The following B3GLCT variants were observed in gnomAD, a reference collection of about 807,000 sequenced individuals.
B3GLCT encodes beta-1,3-glucosyltransferase.
Under a neutral mutation model 63.4 loss-of-function variants are expected in B3GLCT, and 65 were observed. The ratio of observed to expected loss-of-function variants is 1.03; its 90% CI spans 0.84 to 1.26. The LOEUF (loss-of-function observed/expected upper bound fraction) is 1.26, where lower values mean the gene tolerates loss of function less well. Among genes scored for constraint, B3GLCT ranks in the 50% most tolerant of loss-of-function variants. The pLI is 0.00. For missense variants in B3GLCT, 577 were observed against 604.8 expected (o/e 0.95, Z 0.48); for synonymous variants, 233 against 219.2 (o/e 1.06, Z -0.55).
intron 4 of B3GLCT, among the ~76,000 whole-genome samples, chr13:31,237,324 G>T (rs1025084669): frequency 5.3e-5 from 8 of 150,324 alleles, no homozygotes; most frequent in African/African-American, 2.0e-4. Context: ...AGGCAGGAGG[G>T]CTCCTTAGTT....
intron 6 of B3GLCT, among the ~76,000 whole-genome samples, chr13:31,249,880 C>G (rs1871350912): frequency 6.6e-6 from 1 of 152,148 alleles, no homozygotes; most frequent in African/African-American, 2.4e-5. Flanking sequence ...TTGATATTTA[C>G]ACAAATAAAC....
intron 1 of B3GLCT, among the ~76,000 whole-genome samples, chr13:31,209,107 C>T (rs918392828): frequency 2.0e-5 from 3 of 152,200 alleles, no homozygotes; most frequent in Admixed American, 6.5e-5. Context: ...CCTTAAAAAA[C>T]GTACGGAGTG....
chr13:31,215,225 G>A, intron 2 of B3GLCT, 125 bp downstream of exon 2: 2 of 1,023,316 alleles, frequency 2.0e-6, no homozygotes, highest in South Asian at 1.4e-5. Context: ...CATATAATGT[G>A]GTCAACATGG....
intron 12 of B3GLCT, among the ~76,000 whole-genome samples, chr13:31,295,336 C>T (rs759101351): frequency 1.6e-4 from 25 of 152,180 alleles, no homozygotes; most frequent in Non-Finnish European, 3.4e-4. Flanking sequence ...AGCAGAGCTC[C>T]AGTGCTGTGC....
intron 14 of B3GLCT, among the ~76,000 whole-genome samples, chr13:31,325,231 CAGTT>C (rs1274487513): frequency 6.6e-6 from 1 of 152,144 alleles, no homozygotes; most frequent in Admixed American, 6.5e-5. Flanking sequence ...TTCCTGGTGT[CAGTT>C]AGAAGATACT....
intron 6 of B3GLCT, among the ~76,000 whole-genome samples, chr13:31,254,208 G>A (rs1871597653): frequency 6.6e-6 from 1 of 152,096 alleles, no homozygotes; most frequent in Non-Finnish European, 1.5e-5. Flanking sequence ...ACCAAAACCT[G>A]GCAGAGACAC....
intron 1 of B3GLCT, among the ~76,000 whole-genome samples, chr13:31,213,251 T>C (rs906276266): frequency 7.9e-5 from 12 of 152,204 alleles, no homozygotes; most frequent in African/African-American, 2.9e-4. Flanking sequence ...ATTGAGTTTC[T>C]TCTATGTGCT....
chr13:31,314,795 G>T (rs1444540455), intron 12 of B3GLCT, among the ~76,000 whole-genome samples: 2 of 152,166 alleles, frequency 1.3e-5, no homozygotes, highest in African/African-American at 4.8e-5. Context: ...ATATGGTTTG[G>T]CTGTGTCCGC....
intron 13 of B3GLCT, among the ~76,000 whole-genome samples, chr13:31,323,532 C>T (rs573975460): frequency 2.0e-5 from 3 of 152,126 alleles, no homozygotes; most frequent in East Asian, 3.9e-4. Context: ...TATTTTAAAA[C>T]GAAGAGAAAT....
At chr13:31,317,489 G>T in intron 12 of B3GLCT, 77 bp from the exon 13 acceptor site, 1 of 1,530,506 alleles carries the variant, frequency 6.5e-7, no homozygotes, top group Non-Finnish European at 9.0e-7. Flanking sequence ...TACAGAGTGG[G>T]ATGTAAGAAC....
At chr13:31,209,779 G>A (rs1323056713) in intron 1 of B3GLCT, among the ~76,000 whole-genome samples, 1 of 152,212 alleles carries the variant, frequency 6.6e-6, no homozygotes, top group African/African-American at 2.4e-5. Context: ...TATCTCATTG[G>A]TTCCTGCCAG....
chr13:31,298,719 G>T (rs1363131014), intron 12 of B3GLCT, among the ~76,000 whole-genome samples: 4 of 152,296 alleles, frequency 2.6e-5, no homozygotes, highest in African/African-American at 9.6e-5. Flanking sequence ...TGCTAGTCTA[G>T]CAGGTACCTT....
chr13:31,205,794 G>A (rs1034736503), intron 1 of B3GLCT, among the ~76,000 whole-genome samples: 1 of 152,208 alleles, frequency 6.6e-6, no homozygotes, highest in African/African-American at 2.4e-5. Flanking sequence ...GTAGAAGTTG[G>A]AGAGGAAAGC....
chr13:31,290,536 A>G (rs1873602173), intron 12 of B3GLCT, among the ~76,000 whole-genome samples: 1 of 152,126 alleles, frequency 6.6e-6, no homozygotes. Flanking sequence ...TTGTTTCCTG[A>G]CTTTTAATGA....
chr13:31,237,822 G>T (rs1020010856), intron 4 of B3GLCT, among the ~76,000 whole-genome samples: 2 of 152,170 alleles, frequency 1.3e-5, no homozygotes, highest in East Asian at 3.9e-4. Context: ...GCTTGGTGTG[G>T]CAGGTATGCA....
chr13:31,262,881 G>A (rs1872107069), intron 7 of B3GLCT, among the ~76,000 whole-genome samples: 1 of 152,190 alleles, frequency 6.6e-6, no homozygotes, highest in South Asian at 2.1e-4. Flanking sequence ...CTCCATGGGA[G>A]AAGTCCCACG....
intron 3 of B3GLCT, among the ~76,000 whole-genome samples, chr13:31,228,488 G>A (rs1316244835): frequency 6.6e-6 from 1 of 152,198 alleles, no homozygotes; most frequent in Non-Finnish European, 1.5e-5. Context: ...ACATCAAGGT[G>A]TGGGCAGGGT....
At chr13:31,294,358 T>A (rs1201065005) in intron 12 of B3GLCT, among the ~76,000 whole-genome samples, 2 of 152,210 alleles carry the variant, frequency 1.3e-5, no homozygotes, top group Non-Finnish European at 2.9e-5. Context: ...TGTTAGCTTG[T>A]CTTGCTAGGT....
chr13:31,269,612 AT>A (rs1290270887), intron 8 of B3GLCT, among the ~76,000 whole-genome samples: 12 of 151,700 alleles, frequency 7.9e-5, no homozygotes, highest in African/African-American at 2.2e-4. Context: ...GGTTGTACGT[AT>A]GCCAGTGTAG....
Sources: allele counts gnomAD v4.1 joint callset (sites outside exome capture counted in the v4.1 genomes callset), GRCh38; gene constraint gnomAD v4.1.1; transcripts MANE v1.5; gene names NCBI Gene and HGNC (gene_info 2026-07-23, HGNC 2026-07-21).